The following ESYT3 variants were observed in gnomAD, a reference collection of about 807,000 sequenced individuals.
ESYT3 encodes extended synaptotagmin-3.
A neutral mutation model predicts 111.5 loss-of-function variants in ESYT3; 101 were observed. The ratio of observed to expected loss-of-function variants is 0.91; its 90% CI spans 0.77 to 1.07. The LOEUF (loss-of-function observed/expected upper bound fraction) is 1.07, where lower values mean the gene tolerates loss of function less well. ESYT3 is among the 50% of genes least tolerant of loss of function. The pLI, the probability that ESYT3 is intolerant of heterozygous loss-of-function variation, is 0.00. For missense variants in ESYT3, 1,097 were observed against 1,109.4 expected, an observed-to-expected ratio of 0.99 and a Z score of 0.16; for synonymous variants, 416 against 446.8, an observed-to-expected ratio of 0.93 and a Z score of 0.87.
chr3:138,453,173 C>T (rs4678419), intron 2 of ESYT3, among the ~76,000 whole-genome samples: 96,750 of 151,948 alleles, frequency 0.64, 31,501 homozygotes, highest in East Asian at 0.98. Context: ...CAGGACCCAG[C>T]GCCTCTGGGC....
At position 138,435,273 on chromosome 3, in the gene ESYT3, G is replaced by A; in HGVS notation, c.327+148G>A. The A allele has an allele frequency of 3.7e-6, 3 of 801,216 alleles. No individual in the cohort carries two copies. Among genetic ancestry groups the A allele is most frequent in the Admixed American group, 5.9e-5 (2 of 33,956 alleles). 49.6% of individuals were successfully genotyped at this position (801,216 alleles called of 1,614,324 possible). A position where few individuals can be genotyped will look rare whatever the true frequency, so the allele number is the denominator to read the frequency against. ...CACCCCGTTCCCCACCGCTCCCGGGGCGCAGACCCTGGGGACGGTGACCGC... is the reference window on the plus strand; with the variant it reads ...CACCCCGTTCCCCACCGCTCCCGGGACGCAGACCCTGGGGACGGTGACCGC... On this transcript the variant is annotated intron_variant, in intron 1 of 22. Coordinates refer to ENST00000389567, the MANE Select transcript of ESYT3 (RefSeq NM_031913.5). This position sits in a 1 kb window ranked among gnomAD's most constrained non-coding sequence, Gnocchi z 4.8.
rs776962169 is a variant in ESYT3, at chr3:138,471,025, G to T, written c.1739G>T (p.Arg580Leu). ...DSLISMRLVL[R>L]FLQVEERELG... is the part of the protein sequence containing the mutation. ...CTCATCTCCATGAGGCTGGTGCTTC[G>T]GGTAAATCTCTCCGGTCCCCTGGGG... The change falls in exon 17 of 23, where the codon CGG becomes CTG. Residue 580 changes from arginine (R) to leucine (L), a missense_variant and splice_region_variant. Coordinates refer to ENST00000389567, the MANE Select transcript of ESYT3 (RefSeq NM_031913.5). 1.2e-6 allele frequency: 2 copies of T among 1,612,758 alleles called. No individual in the cohort carries two copies. The highest frequency in any genetic ancestry group is 4.5e-5 in the East Asian group (2 of 44,870).
In ESYT3 at chr3:138,476,341, GA is replaced by G. The variant is rs1302928087; in HGVS notation, c.2574+14del. 37 of 1,605,626 alleles carry G rather than the reference GA, an allele frequency of 2.3e-5. No individual in the cohort carries two copies. The highest frequency in any genetic ancestry group is 3.2e-5 in the Non-Finnish European group (37 of 1,172,440). On this transcript the variant is annotated intron_variant, in intron 21 of 22. Transcript: ENST00000389567. ...GGAGTTAGGAAAAGTAAGTACAAGA[GA>G]TATTTGATATACCAAGGAGATTATG...
chr3:138,474,219 A>G lies in ESYT3; in HGVS notation c.2337-2A>G. On this transcript the variant is annotated splice_acceptor_variant, in intron 19 of 22. Transcript: ENST00000389567. LOFTEE classifies it high-confidence loss of function. ...TTCCTAATGTCTTTGACACCAAATC[A>G]GAAACCTAACACCATGTACCAGCAG... is the stretch of plus-strand genomic sequence containing the variant. The G allele has an allele frequency of 1.2e-6, 2 of 1,610,188 alleles. No homozygotes were observed. The highest frequency in any genetic ancestry group is 2.2e-5 in the East Asian group (1 of 44,840).
chr3:138,436,491 T>C (rs2030703280), intron 1 of ESYT3, among the ~76,000 whole-genome samples: 1 of 152,264 alleles, frequency 6.6e-6, no homozygotes. Flanking sequence ...AAAGTGGGCA[T>C]ACACTTCATA....
intron 19 of ESYT3, 95 bp downstream of exon 19, chr3:138,473,729 TC>T: frequency 9.5e-7 from 1 of 1,056,948 alleles, no homozygotes; most frequent in South Asian, 1.4e-5. Flanking sequence ...GGGCACATAG[TC>T]CCAAGATAAA....
At chr3:138,476,040 C>CAACA (rs1397663221) in intron 20 of ESYT3, among the ~76,000 whole-genome samples, 183 bp from the exon 21 acceptor site, 18 of 152,322 alleles carry the variant, frequency 1.2e-4, no homozygotes. Flanking sequence ...ATTTTGTGAA[C>CAACA]AACACTGGAC....
Position 138,479,910 on chromosome 3 carries a change from T to G in ESYT3, c.*3056T>G, listed in dbSNP as rs1349350820. On this transcript the variant is annotated 3_prime_UTR_variant, in exon 23 of 23. Transcript: ENST00000389567. ...CCCCGTTTAGTAGTAAATACAAGAATTGCTAACTAGTAAAAGGTGGTTAAG... is the reference window on the plus strand; with the variant it reads ...CCCCGTTTAGTAGTAAATACAAGAAGTGCTAACTAGTAAAAGGTGGTTAAG... 1 of 152,176 alleles carries G rather than the reference T, an allele frequency of 6.6e-6. No homozygotes were observed. Among genetic ancestry groups the G allele is most frequent in the Non-Finnish European group, 1.5e-5 (1 of 68,042 alleles). 9.4% of individuals were successfully genotyped at this position (152,176 alleles called of 1,614,324 possible). A position where few individuals can be genotyped will look rare whatever the true frequency, so the allele number is the denominator to read the frequency against.
chr3:138,465,297 C>A, intron 9 of ESYT3, 42 bp from the exon 10 acceptor site: 1 of 1,463,800 alleles, frequency 6.8e-7, no homozygotes, highest in South Asian at 1.2e-5. Context: ...TATGTCAGGT[C>A]GACTGTTGCC....
intron 15 of ESYT3, among the ~76,000 whole-genome samples, chr3:138,469,781 A>C (rs569011967): frequency 3.3e-5 from 5 of 152,320 alleles, no homozygotes; most frequent in African/African-American, 1.2e-4. Flanking sequence ...TTCTCAGTCC[A>C]GCAGCAGAAA....
chr3:138,465,070 G>A (rs768887736), intron 9 of ESYT3, among the ~76,000 whole-genome samples: 1 of 152,226 alleles, frequency 6.6e-6, no homozygotes, highest in Non-Finnish European at 1.5e-5. Context: ...AGAATGTAAC[G>A]AACAGGTGCT....
In ESYT3 at chr3:138,468,204, G is replaced by A; in HGVS notation, c.1308+10G>A. On this transcript the variant is annotated intron_variant, in intron 12 of 22. Transcript: ENST00000389567. ...AGAAGTTCTGACTGAGGTGAGTGTG[G>A]GGTGTCAAGGGCTCCCTTGCAGAAA... 1 of 1,613,626 alleles carries A rather than the reference G, an allele frequency of 6.2e-7. No individual in the cohort carries two copies. The highest frequency in any genetic ancestry group is 8.5e-7 in the Non-Finnish European group (1 of 1,179,572).
At chr3:138,473,709 G>C (rs1324088166) in intron 19 of ESYT3, 75 bp downstream of exon 19, 30 of 1,250,706 alleles carry the variant, frequency 2.4e-5, no homozygotes, top group Non-Finnish European at 3.3e-5. Flanking sequence ...GACACTCAGA[G>C]CAATGAAAAG....
At chr3:138,470,801 G>A (rs1225047330) in intron 16 of ESYT3, 76 bp from the exon 17 acceptor site, 2 of 1,601,120 alleles carry the variant, frequency 1.2e-6, no homozygotes, top group East Asian at 4.5e-5. Context: ...ACCCAAACTT[G>A]GCTGGGGCTC....
chr3:138,455,707 T>G (rs1362215326), intron 3 of ESYT3, among the ~76,000 whole-genome samples: 2 of 152,204 alleles, frequency 1.3e-5, no homozygotes, highest in African/African-American at 4.8e-5. Flanking sequence ...CGCTCACAGT[T>G]TGGATAGTCA....
intron 1 of ESYT3, among the ~76,000 whole-genome samples, 189 bp from the exon 2 acceptor site, chr3:138,451,859 G>A (rs1175571925): frequency 1.4e-5 from 2 of 147,836 alleles, no homozygotes; most frequent in African/African-American, 5.4e-5. Context: ...GGCAGGACCA[G>A]TTCCGAGTTG....
At chr3:138,470,246 G>T in intron 16 of ESYT3, 100 bp downstream of exon 16, 2 of 1,457,932 alleles carry the variant, frequency 1.4e-6, no homozygotes, top group Non-Finnish European at 1.8e-6. Context: ...TCCTGGCAGC[G>T]TTTAAAGTCA....
intron 1 of ESYT3, among the ~76,000 whole-genome samples, chr3:138,445,212 T>A (rs2031451915): frequency 6.6e-6 from 1 of 152,284 alleles, no homozygotes; most frequent in Admixed American, 6.5e-5. Context: ...TCCCAGAGAC[T>A]CCCAGCCTCG....
intron 1 of ESYT3, among the ~76,000 whole-genome samples, chr3:138,444,802 G>T (rs1190917881): frequency 2.0e-5 from 3 of 152,252 alleles, no homozygotes; most frequent in African/African-American, 7.2e-5. Flanking sequence ...TTATAAAGGA[G>T]TTGAGGTCTG....
Sources: gnomAD v4.1 joint callset for allele counts (sites outside exome capture counted in the v4.1 genomes callset) on GRCh38, gnomAD v4.1.1 for gene constraint, Gnocchi (gnomAD v3.1) non-coding constraint, MANE v1.5 for transcripts, NCBI Gene and HGNC (gene_info 2026-07-23, HGNC 2026-07-21) for gene names.